The following CGNL1 variants were observed in gnomAD, a reference collection of about 807,000 sequenced individuals.
The protein encoded by CGNL1 is cingulin like 1, also known as cingulin-like protein 1.
CGNL1 carries 132 observed loss-of-function variants against 141.2 expected under a neutral mutation model. The observed-to-expected ratio is 0.93, with a 90% CI of 0.81 to 1.08. The LOEUF (loss-of-function observed/expected upper bound fraction) is 1.08, where lower values mean the gene tolerates loss of function less well. CGNL1 is among the 50% of genes least tolerant of loss of function. The pLI is 0.00. For missense variants in CGNL1, 1,870 were observed against 1,588.6 expected, an observed-to-expected ratio of 1.18 and a Z score of -3.01; for synonymous variants, 690 against 622.1, an observed-to-expected ratio of 1.11 and a Z score of -1.63.
At chr15:57,496,576 GT>G (rs2063941948) in intron 8 of CGNL1, among the ~76,000 whole-genome samples, 1 of 152,314 alleles carries the variant, frequency 6.6e-6, no homozygotes, top group African/African-American at 2.4e-5. Flanking sequence ...TGCCAAAAAG[GT>G]TGGGGACTGC....
intron 1 of CGNL1, among the ~76,000 whole-genome samples, chr15:57,428,609 C>T (rs1775297101): frequency 6.6e-6 from 1 of 152,062 alleles, no homozygotes; most frequent in Admixed American, 6.6e-5. Flanking sequence ...TGCTGGAATG[C>T]CAAGGAAGAG....
intron 1 of CGNL1, among the ~76,000 whole-genome samples, chr15:57,398,000 C>G (rs924640904): frequency 6.6e-6 from 1 of 152,156 alleles, no homozygotes; most frequent in Non-Finnish European, 1.5e-5. Flanking sequence ...TCAGGCTGGT[C>G]TTGAACTCCT....
chr15:57,485,670 A>G (rs1237387321), intron 8 of CGNL1, among the ~76,000 whole-genome samples: 4 of 152,236 alleles, frequency 2.6e-5, no homozygotes, highest in African/African-American at 9.6e-5. Context: ...AGTAAAAACA[A>G]ATGATAGAAA....
At chr15:57,425,740 C>CAAAAAA (rs35847617) in intron 1 of CGNL1, among the ~76,000 whole-genome samples, 1 of 114,200 alleles carries the variant, frequency 8.8e-6, no homozygotes, top group African/African-American at 3.3e-5. Context: ...GAGCCTGTCT[C>CAAAAAA]AAAAAAAAAA....
At chr15:57,447,805 C>CGTGTGTGTGTGTGT (rs3985737) in intron 4 of CGNL1, among the ~76,000 whole-genome samples, 3 of 144,356 alleles carry the variant, frequency 2.1e-5, no homozygotes, top group African/African-American at 7.6e-5. Context: ...TCTCTCTTTT[C>CGTGTGTGTGTGTGT]GTGTGTGTGT....
At chr15:57,399,545 GT>G (rs60341384) in intron 1 of CGNL1, among the ~76,000 whole-genome samples, 126 of 143,396 alleles carry the variant, frequency 8.8e-4, no homozygotes, top group African/African-American at 1.6e-3. Flanking sequence ...ATCTATAGTT[GT>G]TTTTTTTTTT....
At chr15:57,535,204 T>G (rs936758459) in intron 14 of CGNL1, among the ~76,000 whole-genome samples, 20 of 152,306 alleles carry the variant, frequency 1.3e-4, no homozygotes, top group African/African-American at 4.8e-4. Context: ...CAGTGCTCTA[T>G]CTACCCGTGC....
chr15:57,480,419 G>T (rs1004295626), intron 8 of CGNL1, among the ~76,000 whole-genome samples: 6 of 152,014 alleles, frequency 3.9e-5, no homozygotes, highest in Non-Finnish European at 8.8e-5. Flanking sequence ...ACTTGGGATG[G>T]TGAGGCAGGA....
At chr15:57,407,958 A>T (rs1307059690) in intron 1 of CGNL1, among the ~76,000 whole-genome samples, 1 of 151,934 alleles carries the variant, frequency 6.6e-6, no homozygotes, top group Non-Finnish European at 1.5e-5. Flanking sequence ...CATGTTGGAC[A>T]GGGTGGTCTT....
At chr15:57,512,203 A>G (rs2030370526) in intron 8 of CGNL1, among the ~76,000 whole-genome samples, 1 of 152,214 alleles carries the variant, frequency 6.6e-6, no homozygotes, top group Non-Finnish European at 1.5e-5. Context: ...CCTCTCTGCC[A>G]TGTTTCTTTT....
chr15:57,502,123 C>A (rs2064033587), intron 8 of CGNL1, among the ~76,000 whole-genome samples: 1 of 152,118 alleles, frequency 6.6e-6, no homozygotes, highest in Admixed American at 6.5e-5. Context: ...TTAGTACAAC[C>A]TGCCAGTGAG....
At chr15:57,456,271 C>G (rs2063378199) in intron 7 of CGNL1, among the ~76,000 whole-genome samples, 2 of 152,160 alleles carry the variant, frequency 1.3e-5, no homozygotes, top group South Asian at 4.1e-4. Flanking sequence ...GCATTAAACA[C>G]TTATGCTTTT....
chr15:57,398,022 G>T (rs1441476016), intron 1 of CGNL1, among the ~76,000 whole-genome samples: 4 of 152,040 alleles, frequency 2.6e-5, no homozygotes, highest in Admixed American at 2.6e-4. Context: ...ACCTCGAGAT[G>T]CGCCTGCCTC....
At position 57,549,817 on chromosome 15, in the gene CGNL1, C is replaced by T. The variant is rs1233658170; in HGVS notation, c.*2327C>T. The T allele has an allele frequency of 6.6e-6, 1 of 152,166 alleles. No individual in the cohort carries two copies. Among genetic ancestry groups the T allele is most frequent in the African/African-American group, 2.4e-5 (1 of 41,442 alleles). The allele number at this position is 152,166 out of a possible 1,614,324, so 9.4% of individuals were successfully genotyped here. A position where few individuals can be genotyped will look rare whatever the true frequency, so the allele number is the denominator to read the frequency against. On this transcript the variant is annotated 3_prime_UTR_variant, in exon 19 of 19. Transcript: ENST00000281282. ...CTGAGGACGCAACAAGCCTGGTTCCCTAGAGCTCACTTTGACCCTCAATAT... is the reference window on the plus strand; with the variant it reads ...CTGAGGACGCAACAAGCCTGGTTCCTTAGAGCTCACTTTGACCCTCAATAT...
chr15:57,432,216 C>T (rs772859721), intron 1 of CGNL1, among the ~76,000 whole-genome samples: 12 of 152,200 alleles, frequency 7.9e-5, no homozygotes, highest in Non-Finnish European at 1.5e-4. Context: ...TGCCTGGTTG[C>T]ATTTCCTCCG....
chr15:57,546,428 T>C (rs576072335), intron 18 of CGNL1, among the ~76,000 whole-genome samples, 189 bp downstream of exon 18: 1 of 152,288 alleles, frequency 6.6e-6, no homozygotes, highest in East Asian at 1.9e-4. Flanking sequence ...TAGGGTCTCA[T>C]GCATGTCATT....
intron 8 of CGNL1, among the ~76,000 whole-genome samples, chr15:57,493,804 G>C (rs2063899930): frequency 6.6e-6 from 1 of 152,176 alleles, no homozygotes; most frequent in African/African-American, 2.4e-5. Context: ...ATCTGCTATG[G>C]TTATAATAGG....
At chr15:57,512,599 C>G (rs1417173476) in intron 8 of CGNL1, among the ~76,000 whole-genome samples, 1 of 152,196 alleles carries the variant, frequency 6.6e-6, no homozygotes, top group Non-Finnish European at 1.5e-5. Context: ...TGGAATAAAT[C>G]CCTGCCAGCC....
intron 8 of CGNL1, among the ~76,000 whole-genome samples, chr15:57,515,937 T>A (rs1049487629): frequency 6.6e-6 from 1 of 151,944 alleles, no homozygotes; most frequent in African/African-American, 2.4e-5. Context: ...GGCAGACAGA[T>A]GATGAGCTCA....
Sources: gnomAD v4.1 joint callset for allele counts (sites outside exome capture counted in the v4.1 genomes callset) on GRCh38, gnomAD v4.1.1 for gene constraint, MANE v1.5 for transcripts, NCBI Gene and HGNC (gene_info 2026-07-23, HGNC 2026-07-21) for gene names.